The following ASTN1 variants were observed in gnomAD, a reference collection of about 807,000 sequenced individuals.
ASTN1 encodes the protein astrotactin 1, also known as astrotactin-1.
ASTN1 carries 41 observed loss-of-function variants against 140.7 expected under a neutral mutation model. The ratio of observed to expected loss-of-function variants is 0.29; its 90% CI spans 0.23 to 0.38. The LOEUF (loss-of-function observed/expected upper bound fraction) is 0.38. ASTN1 is among the 10% of genes least tolerant of loss of function. The pLI, the probability that ASTN1 is intolerant of heterozygous loss-of-function variation, is 1.00. For synonymous variants in ASTN1, 640 were observed against 652.2 expected, an observed-to-expected ratio of 0.98 and a Z score of 0.29; for missense variants, 1,479 against 1,678.8, an observed-to-expected ratio of 0.88 and a Z score of 2.08.
intron 7 of ASTN1, among the ~76,000 whole-genome samples, chr1:177,021,783 A>C (rs1480708709): frequency 1.3e-5 from 2 of 152,202 alleles, no homozygotes; most frequent in Non-Finnish European, 2.9e-5. Context: ...AAGTGAGTTT[A>C]ACAACTGAGA....
At chr1:176,969,684 A>G (rs2101858934) in intron 8 of ASTN1, among the ~76,000 whole-genome samples, 1 of 152,316 alleles carries the variant, frequency 6.6e-6, no homozygotes, top group African/African-American at 2.4e-5. Flanking sequence ...GATGTGGGGC[A>G]GGAGGTTGAA....
chr1:176,884,636 A>G (rs562454602), intron 18 of ASTN1, 146 bp from the exon 19 acceptor site: 6 of 883,250 alleles, frequency 6.8e-6, no homozygotes, highest in Non-Finnish European at 9.9e-6. Flanking sequence ...CTTTCAAAAG[A>G]TAGTAATGTT....
chr1:176,923,714 T>C (rs775067537), intron 16 of ASTN1, among the ~76,000 whole-genome samples: 8 of 152,022 alleles, frequency 5.3e-5, no homozygotes, highest in Non-Finnish European at 1.2e-4. Flanking sequence ...ATATGTAGGG[T>C]TCAGTACTAT....
intron 15 of ASTN1, chr1:176,936,063 C>T: frequency 1.5e-6 from 1 of 648,156 alleles, no homozygotes; most frequent in Non-Finnish European, 2.8e-6. Flanking sequence ...CAAGATAACA[C>T]ATGCAATGTA....
chr1:177,125,772 T>C (rs1681612711), intron 1 of ASTN1, among the ~76,000 whole-genome samples: 1 of 152,224 alleles, frequency 6.6e-6, no homozygotes, highest in Non-Finnish European at 1.5e-5. Flanking sequence ...TTCCTCATAG[T>C]TGCCGATTAT....
At chr1:177,125,786 T>C (rs1004790900) in intron 1 of ASTN1, among the ~76,000 whole-genome samples, 3 of 152,200 alleles carry the variant, frequency 2.0e-5, no homozygotes, top group Non-Finnish European at 4.4e-5. Context: ...CGATTATGGC[T>C]CCATAAAATA....
At chr1:176,944,120 C>T in intron 13 of ASTN1, 102 bp from the exon 14 acceptor site, 12 of 1,469,548 alleles carry the variant, frequency 8.2e-6, no homozygotes, top group Non-Finnish European at 1.1e-5. Context: ...TCTTGTTGCC[C>T]AGGCTGGAGT....
intron 1 of ASTN1, among the ~76,000 whole-genome samples, chr1:177,162,686 C>A (rs187929437): frequency 7.9e-5 from 12 of 152,270 alleles, no homozygotes; most frequent in African/African-American, 2.4e-4. Context: ...ACACTACAAG[C>A]AGAGTGCAAA....
intron 1 of ASTN1, among the ~76,000 whole-genome samples, chr1:177,138,970 C>CCATG (rs763581189): frequency 1.1e-4 from 16 of 152,302 alleles, no homozygotes; most frequent in Non-Finnish European, 1.9e-4. Context: ...ACACCAAAGC[C>CCATG]CATGCTCTTT....
intron 10 of ASTN1, 50 bp from the exon 11 acceptor site, chr1:176,957,878 T>A (rs779467334): frequency 8.2e-6 from 13 of 1,580,040 alleles, no homozygotes; most frequent in Non-Finnish European, 1.0e-5. Flanking sequence ...AGATTCCAGA[T>A]GCAACAAGTG....
At chr1:177,159,513 C>T (rs1647229960) in intron 1 of ASTN1, among the ~76,000 whole-genome samples, 1 of 152,198 alleles carries the variant, frequency 6.6e-6, no homozygotes, top group South Asian at 2.1e-4. Flanking sequence ...TAACTGTTTC[C>T]TATCAGGCCA....
downstream of ASTN1, chr1:176,860,948 G>A (rs1667939581): frequency 2.7e-6 from 1 of 370,610 alleles, no homozygotes; most frequent in South Asian, 1.1e-4. Flanking sequence ...TTAGAATGAT[G>A]ACTATAAGGC....
intron 20 of ASTN1, among the ~76,000 whole-genome samples, chr1:176,878,060 T>C (rs1668636856): frequency 6.6e-6 from 1 of 152,132 alleles, no homozygotes; most frequent in Admixed American, 6.5e-5. Flanking sequence ...CCATTTGCCT[T>C]CCCTCTACCT....
intron 8 of ASTN1, 30 bp from the exon 9 acceptor site, chr1:176,965,267 T>C: frequency 6.2e-7 from 1 of 1,609,670 alleles, no homozygotes; most frequent in Non-Finnish European, 8.5e-7. Context: ...TCAATTAAAT[T>C]CAACTCAACA....
chr1:176,904,108 A>G (rs1287347728), intron 16 of ASTN1, among the ~76,000 whole-genome samples: 2 of 152,202 alleles, frequency 1.3e-5, no homozygotes, highest in Admixed American at 6.5e-5. Context: ...GGTTCCGGGC[A>G]GGCATGAATT....
chr1:176,918,450 T>C, intron 16 of ASTN1, among the ~76,000 whole-genome samples: 1 of 152,140 alleles, frequency 6.6e-6, no homozygotes, highest in Non-Finnish European at 1.5e-5. Flanking sequence ...TCTTTACTGC[T>C]CACCCCCCGG....
intron 2 of ASTN1, among the ~76,000 whole-genome samples, chr1:177,058,643 C>T (rs577200974): frequency 2.6e-5 from 4 of 152,086 alleles, no homozygotes; most frequent in Non-Finnish European, 5.9e-5. Context: ...AAGGGCACAG[C>T]CTATTTCCTA....
At chr1:176,965,428 T>G (rs2101850589) in intron 8 of ASTN1, among the ~76,000 whole-genome samples, 191 bp from the exon 9 acceptor site, 1 of 152,214 alleles carries the variant, frequency 6.6e-6, no homozygotes, top group African/African-American at 2.4e-5. Flanking sequence ...ACACGATAAA[T>G]GTAAAAATCA....
chr1:177,030,862 G>A lies in ASTN1; in HGVS notation c.956C>T (p.Thr319Ile). ...GCTGCTGGAGGTGTGAGAGAGAAGG[G>A]TGGCTTGCTGGTGGTTGGAGTCCAC... ...SPVDSNHQQA[T>I]LLSHTSSSQR... The change falls in exon 4 of 23, where the codon ACC becomes ATC. Residue 319 changes from threonine to isoleucine, a missense_variant. Thr to Ile is a moderately conservative substitution (Grantham distance 89, BLOSUM62 -1). Transcript: ENST00000361833. 6.2e-7 allele frequency: 1 copy of A among 1,614,174 alleles called. No individual in the cohort carries two copies. The highest frequency in any genetic ancestry group is 8.5e-7 in the Non-Finnish European group (1 of 1,180,028).
Sources: gnomAD v4.1 joint callset for allele counts (sites outside exome capture counted in the v4.1 genomes callset) on GRCh38, gnomAD v4.1.1 for gene constraint, MANE v1.5 for transcripts, NCBI Gene and HGNC (gene_info 2026-07-23, HGNC 2026-07-21) for gene names.